Variants in GABRB1 observed in about 807,000 individuals in gnomAD.
GABRB1 encodes the protein gamma-aminobutyric acid receptor subunit beta-1.
GABRB1 carries 17 observed loss-of-function variants against 51.6 expected under a neutral mutation model. That is an observed-to-expected ratio of 0.33 (90% CI 0.23 to 0.49). The LOEUF (loss-of-function observed/expected upper bound fraction) is 0.49. Ranked by LOEUF, GABRB1 falls within the 20% of genes least tolerant of loss-of-function variation. The pLI, the probability that GABRB1 is intolerant of heterozygous loss-of-function variation, is 0.99. For missense variants in GABRB1, 410 were observed against 600.6 expected, an observed-to-expected ratio of 0.68 and a Z score of 3.32; for synonymous variants, 247 against 218.9, an observed-to-expected ratio of 1.13 and a Z score of -1.14.
At chr4:47,084,704 A>G (rs1330121216) in intron 3 of GABRB1, among the ~76,000 whole-genome samples, 1 of 152,184 alleles carries the variant, frequency 6.6e-6, no homozygotes, top group Non-Finnish European at 1.5e-5. Context: ...TGTAAGTCAT[A>G]AACAAAGTCT....
At chr4:47,371,499 G>A (rs967698040) in intron 5 of GABRB1, among the ~76,000 whole-genome samples, 9 of 152,126 alleles carry the variant, frequency 5.9e-5, no homozygotes, top group African/African-American at 1.9e-4. Flanking sequence ...TCTAGATCTT[G>A]CAGAAATCAT....
At chr4:47,188,578 A>G (rs563485166) in intron 4 of GABRB1, among the ~76,000 whole-genome samples, 1 of 152,060 alleles carries the variant, frequency 6.6e-6, no homozygotes, top group East Asian at 1.9e-4. Context: ...GTTTGTCAGA[A>G]ATCCGATGTA....
At chr4:47,347,258 G>A (rs939594060) in intron 5 of GABRB1, among the ~76,000 whole-genome samples, 3 of 151,694 alleles carry the variant, frequency 2.0e-5, no homozygotes, top group Admixed American at 6.6e-5. Context: ...CTGCTGCCTG[G>A]GTGACAGCAA....
chr4:47,209,499 C>T (rs1323333525), intron 4 of GABRB1, among the ~76,000 whole-genome samples: 1 of 152,088 alleles, frequency 6.6e-6, no homozygotes. Flanking sequence ...CTCTGACATT[C>T]CCTTTTGTTA....
chr4:47,134,815 A>T (rs1160673263), intron 3 of GABRB1, among the ~76,000 whole-genome samples: 1 of 152,212 alleles, frequency 6.6e-6, no homozygotes, highest in Non-Finnish European at 1.5e-5. Flanking sequence ...AGACTTTAAC[A>T]CTTACCAATG....
intron 8 of GABRB1, among the ~76,000 whole-genome samples, chr4:47,419,398 G>T (rs1578159325): frequency 6.6e-6 from 1 of 152,310 alleles, no homozygotes; most frequent in Non-Finnish European, 1.5e-5. Context: ...CCTTCAGGAA[G>T]GAGATGAAAG....
chr4:47,181,816 C>T (rs927381244), intron 4 of GABRB1, among the ~76,000 whole-genome samples: 5 of 152,148 alleles, frequency 3.3e-5, no homozygotes, highest in African/African-American at 1.2e-4. Flanking sequence ...AAATCATCTT[C>T]CCCGGGAGAA....
chr4:47,241,137 A>G (rs1049460677), intron 4 of GABRB1, among the ~76,000 whole-genome samples: 1 of 152,148 alleles, frequency 6.6e-6, no homozygotes, highest in African/African-American at 2.4e-5. Context: ...TTATAGTTTT[A>G]CAGGTTATTT....
chr4:47,198,705 T>A (rs961956983), intron 4 of GABRB1, among the ~76,000 whole-genome samples: 1 of 152,182 alleles, frequency 6.6e-6, no homozygotes, highest in Non-Finnish European at 1.5e-5. Flanking sequence ...CTTGGATATT[T>A]AGCTGAGAAG....
intron 1 of GABRB1, among the ~76,000 whole-genome samples, chr4:47,008,244 T>A (rs150673493): frequency 6.6e-6 from 1 of 152,170 alleles, no homozygotes; most frequent in Non-Finnish European, 1.5e-5. Flanking sequence ...CTAGAGATGA[T>A]CATTGTGGGA....
At chr4:47,027,073 C>T (rs1215782041), upstream of GABRB1, among the ~76,000 whole-genome samples, 1 of 151,390 alleles carries the variant, frequency 6.6e-6, no homozygotes, top group Non-Finnish European at 1.5e-5. Context: ...AATAATAAGC[C>T]TATTAAAATG....
At chr4:47,132,976 AAC>A (rs1716489749) in intron 3 of GABRB1, among the ~76,000 whole-genome samples, 1 of 152,158 alleles carries the variant, frequency 6.6e-6, no homozygotes, top group South Asian at 2.1e-4. Context: ...GTATCCCTGA[AAC>A]ACTTTAGCTA....
intron 1 of GABRB1, among the ~76,000 whole-genome samples, chr4:47,014,680 T>A (rs1230127386): frequency 6.6e-6 from 1 of 152,122 alleles, no homozygotes; most frequent in Non-Finnish European, 1.5e-5. Flanking sequence ...TTTATTAATG[T>A]CCAAACTGAA....
At chr4:47,212,295 G>A (rs1720388961) in intron 4 of GABRB1, among the ~76,000 whole-genome samples, 1 of 152,144 alleles carries the variant, frequency 6.6e-6, no homozygotes, top group Admixed American at 6.5e-5. Flanking sequence ...ACAGCGGGAG[G>A]CCACTAACAA....
intron 4 of GABRB1, among the ~76,000 whole-genome samples, chr4:47,170,196 T>C (rs1017623282): frequency 5.3e-5 from 8 of 152,224 alleles, no homozygotes; most frequent in East Asian, 3.9e-4. Flanking sequence ...ATCAATTTTT[T>C]TATATTCTTG....
intron 3 of GABRB1, among the ~76,000 whole-genome samples, chr4:47,044,041 T>A (rs1006113668): frequency 6.6e-6 from 1 of 152,112 alleles, no homozygotes; most frequent in Non-Finnish European, 1.5e-5. Context: ...GGAGTTGATA[T>A]GAACTAGGTA....
intron 3 of GABRB1, among the ~76,000 whole-genome samples, chr4:47,144,854 G>A (rs747788975): frequency 6.6e-6 from 1 of 151,888 alleles, no homozygotes; most frequent in Admixed American, 6.6e-5. Flanking sequence ...ACACCTTTGA[G>A]AGTATAGAGT....
At chr4:47,330,935 A>G (rs925225551) in intron 5 of GABRB1, among the ~76,000 whole-genome samples, 1 of 152,226 alleles carries the variant, frequency 6.6e-6, no homozygotes, top group Non-Finnish European at 1.5e-5. Context: ...CCAAATCATT[A>G]GTTCTGATCT....
intron 4 of GABRB1, among the ~76,000 whole-genome samples, chr4:47,164,824 T>C (rs1560566731): frequency 6.6e-6 from 1 of 152,062 alleles, no homozygotes; most frequent in African/African-American, 2.4e-5. Flanking sequence ...CAGAATGGTG[T>C]CTGGTAAGGG....
Sources: gnomAD v4.1 joint callset for allele counts (sites outside exome capture counted in the v4.1 genomes callset) on GRCh38, gnomAD v4.1.1 for gene constraint, MANE v1.5 for transcripts, NCBI Gene and HGNC (gene_info 2026-07-23, HGNC 2026-07-21) for gene names.